The following PCDH15 variants were observed in gnomAD, a reference collection of about 807,000 sequenced individuals.
The protein encoded by PCDH15 is protocadherin-15.
Under a neutral mutation model 178.5 loss-of-function variants are expected in PCDH15, and 129 were observed. The ratio of observed to expected loss-of-function variants is 0.72; its 90% CI spans 0.63 to 0.84. The LOEUF is 0.84. PCDH15 is among the 40% of genes least tolerant of loss of function. PCDH15 has a pLI of 0.00. For synonymous variants in PCDH15, 800 were observed against 732.0 expected, an observed-to-expected ratio of 1.09 and a Z score of -1.50; for missense variants, 2,230 against 2,099.9, an observed-to-expected ratio of 1.06 and a Z score of -1.21.
At chr10:54,428,544 T>G (rs78994173) in intron 3 of PCDH15, among the ~76,000 whole-genome samples, 127 of 152,340 alleles carry the variant, frequency 8.3e-4, no homozygotes, top group Non-Finnish European at 3.2e-4. Context: ...TAGGTAAGCA[T>G]GTCGGTATGC....
At chr10:54,305,235 C>T (rs1334344428) in intron 8 of PCDH15, among the ~76,000 whole-genome samples, 1 of 151,842 alleles carries the variant, frequency 6.6e-6, no homozygotes, top group Non-Finnish European at 1.5e-5. Context: ...TCAAGAAGAA[C>T]TGAAATAAGG....
chr10:54,360,793 T>C (rs1286576938), intron 5 of PCDH15, among the ~76,000 whole-genome samples: 1 of 152,106 alleles, frequency 6.6e-6, no homozygotes, highest in South Asian at 2.1e-4. Flanking sequence ...TAAAGGGCAT[T>C]TTCTGGTTGC....
In PCDH15 at chr10:54,918,601, T is replaced by C. The variant is rs1405589353; in HGVS notation, c.-79-21101A>G. Among the ~76,000 whole-genome samples the C allele has an allele frequency of 2.6e-5, 4 of 152,158 alleles. No individual in the cohort carries two copies. The East Asian group carries it at 7.7e-4, about 29-fold the overall frequency. On this transcript the variant is annotated intron_variant, in intron 2 of 5. Coordinates refer to the PCDH15 transcript ENST00000458638. ...TTTCCTGATTACACACTGTCATTAA[T>C]ATGGTAATTGCACTAACACCAGCAT...
At chr10:55,079,887 G>T (rs556398717) in intron 2 of PCDH15, among the ~76,000 whole-genome samples, 1 of 152,218 alleles carries the variant, frequency 6.6e-6, no homozygotes, top group South Asian at 2.1e-4. Flanking sequence ...GCTCTGGTGG[G>T]GAGGGACTGG....
At chr10:54,924,034 G>A (rs1837556427) in intron 2 of PCDH15, among the ~76,000 whole-genome samples, 1 of 137,814 alleles carries the variant, frequency 7.3e-6, no homozygotes. Flanking sequence ...AAAAGAGAGT[G>A]AAATTTAACT....
intron 25 of PCDH15, among the ~76,000 whole-genome samples, chr10:53,906,109 GC>G (rs2082664843): frequency 6.6e-6 from 1 of 151,962 alleles, no homozygotes; most frequent in African/African-American, 2.4e-5. Context: ...TAGCTATATA[GC>G]TAATTATGTA....
intron 26 of PCDH15, among the ~76,000 whole-genome samples, chr10:53,892,506 A>T (rs1189684844): frequency 6.6e-6 from 1 of 151,058 alleles, no homozygotes; most frequent in East Asian, 2.0e-4. Flanking sequence ...CTTCTACAAT[A>T]ACAAACAAAC....
In PCDH15 at chr10:54,050,614, T is replaced by C. The variant is rs115197528; in HGVS notation, c.2220+16143A>G. ...CTCTTTTGCTAGACATAAGGGGTTT[T>C]GTTTGTTTGTTTGTTTGTTTTTCCC... On this transcript the variant is annotated intron_variant, in intron 18 of 37. Coordinates refer to ENST00000644397, the MANE Select transcript of PCDH15 (RefSeq NM_001384140.1). Among the ~76,000 whole-genome samples, 717 of 149,116 alleles carry C rather than the reference T, an allele frequency of 4.8e-3. 7 individuals carry two copies. Among genetic ancestry groups the C allele is most frequent in the Middle Eastern group, 0.022 (6 of 274 alleles).
chr10:55,415,573 T>C (rs1034492199), intron 2 of PCDH15, among the ~76,000 whole-genome samples: 1 of 151,740 alleles, frequency 6.6e-6, no homozygotes, highest in African/African-American at 2.4e-5. Flanking sequence ...GGGTCACCAA[T>C]TGTATCTATT....
intron 8 of PCDH15, among the ~76,000 whole-genome samples, chr10:54,292,148 G>A (rs1258763977): frequency 6.6e-6 from 1 of 152,198 alleles, no homozygotes; most frequent in Non-Finnish European, 1.5e-5. Context: ...TCATTCCTGG[G>A]ATGCAAGGCT....
intron 18 of PCDH15, among the ~76,000 whole-genome samples, chr10:54,028,827 T>C (rs921072770): frequency 1.1e-4 from 15 of 135,384 alleles, no homozygotes; most frequent in African/African-American, 3.8e-4. Context: ...TTGGGAGATA[T>C]ACCTAATGCT....
intron 2 of PCDH15, among the ~76,000 whole-genome samples, chr10:55,027,777 G>C (rs76314189): frequency 0.014 from 2,147 of 151,802 alleles, 50 homozygotes; most frequent in African/African-American, 0.049. Flanking sequence ...GATTAAATTT[G>C]TCATTTACCA....
At chr10:55,220,694 G>T (rs2132183340) in intron 1 of PCDH15, among the ~76,000 whole-genome samples, 1 of 152,136 alleles carries the variant, frequency 6.6e-6, no homozygotes, top group South Asian at 2.1e-4. Flanking sequence ...ATGATATCAT[G>T]ATTCTCTGGG....
At chr10:55,464,632 A>G (rs1839789046) in intron 2 of PCDH15, among the ~76,000 whole-genome samples, 1 of 44,608 alleles carries the variant, frequency 2.2e-5, no homozygotes. Context: ...GTAAATATAT[A>G]TATATATATA....
chr10:54,873,668 T>TA (rs1232628231), intron 3 of PCDH15, among the ~76,000 whole-genome samples: 4 of 144,004 alleles, frequency 2.8e-5, no homozygotes, highest in South Asian at 4.3e-4. Context: ...AGTTTTGTGA[T>TA]AAAAAATCTG....
intron 8 of PCDH15, among the ~76,000 whole-genome samples, chr10:54,272,221 G>A (rs1009922998): frequency 1.3e-5 from 2 of 151,416 alleles, no homozygotes; most frequent in Non-Finnish European, 3.0e-5. Flanking sequence ...GGCATAAGAG[G>A]TACCGAGGAT....
intron 8 of PCDH15, among the ~76,000 whole-genome samples, chr10:54,286,650 G>C (rs981004149): frequency 6.6e-6 from 1 of 151,958 alleles, no homozygotes; most frequent in Non-Finnish European, 1.5e-5. Context: ...TTTTTGAAAG[G>C]AGTCTTGCTC....
At chr10:55,437,306 TA>T (rs1229282639) in intron 2 of PCDH15, among the ~76,000 whole-genome samples, 2 of 152,156 alleles carry the variant, frequency 1.3e-5, no homozygotes, top group African/African-American at 2.4e-5. Context: ...TTGGGCCCTT[TA>T]AAGTGGATAA....
At chr10:54,370,450 A>C (rs1227954602) in intron 4 of PCDH15, among the ~76,000 whole-genome samples, 1 of 151,934 alleles carries the variant, frequency 6.6e-6, no homozygotes, top group Non-Finnish European at 1.5e-5. Flanking sequence ...TGGAAGCTCA[A>C]TACAACCTGT....
Sources: allele counts gnomAD v4.1 joint callset (sites outside exome capture counted in the v4.1 genomes callset), GRCh38; gene constraint gnomAD v4.1.1; transcripts MANE v1.5; gene names NCBI Gene and HGNC (gene_info 2026-07-23, HGNC 2026-07-21).